Variants in CKAP5 observed in about 807,000 individuals in gnomAD.
CKAP5 encodes the protein cytoskeleton-associated protein 5.
In CKAP5, 27 loss-of-function variants were observed where a neutral mutation model predicts 232.8. The observed-to-expected ratio is 0.12, with a 90% CI of 0.09 to 0.16. CKAP5 has a LOEUF of 0.16. Ranked by LOEUF, CKAP5 falls within the 10% of genes least tolerant of loss-of-function variation. CKAP5 has a pLI of 1.00. For synonymous variants in CKAP5, 785 were observed against 841.1 expected (o/e 0.93, Z 1.16); for missense variants, 1,838 against 2,424.7 (o/e 0.76, Z 5.08).
rs779324714 is a variant in CKAP5, at chr11:46,750,402, T to G, written c.5576A>C (p.Lys1859Thr). The G allele has an allele frequency of 5.0e-6, 8 of 1,614,058 alleles. No individual in the cohort carries two copies. The highest frequency in any genetic ancestry group is 6.8e-6 in the Non-Finnish European group (8 of 1,180,012). The change falls in exon 42 of 44, where the codon AAA (lysine) becomes ACA (threonine). Residue 1859 changes from lysine to threonine, a missense_variant. Lys to Thr is a moderately conservative substitution (Grantham distance 78). Transcript: ENST00000529230. ...TGGTTCAATGTCAGCATCTGAGTATTTCTTCTTATATTCATATAACTCTGC... is the reference window on the plus strand; with the variant it reads ...TGGTTCAATGTCAGCATCTGAGTATGTCTTCTTATATTCATATAACTCTGC... ...GLAELYEYKK[K>T]YSDADIEPFL...
chr11:46,832,956 C>T (rs1331325637), intron 1 of CKAP5, among the ~76,000 whole-genome samples: 1 of 142,880 alleles, frequency 7.0e-6, no homozygotes, highest in African/African-American at 2.6e-5. Flanking sequence ...GAGTTTATCT[C>T]AAAAAAAAAA....
At chr11:46,753,720 G>A (rs906128674) in intron 36 of CKAP5, among the ~76,000 whole-genome samples, 1 of 151,884 alleles carries the variant, frequency 6.6e-6, no homozygotes, top group East Asian at 1.9e-4. Context: ...CCGAGTAGCT[G>A]GGACTACAGG....
chr11:46,776,629 G>A (rs961313603), intron 23 of CKAP5, among the ~76,000 whole-genome samples: 2 of 152,144 alleles, frequency 1.3e-5, no homozygotes, highest in African/African-American at 4.8e-5. Flanking sequence ...AACAGTGAGT[G>A]ATCTGGGCAT....
At chr11:46,761,306 A>T (rs1188325030) in intron 32 of CKAP5, among the ~76,000 whole-genome samples, 1 of 152,072 alleles carries the variant, frequency 6.6e-6, no homozygotes, top group African/African-American at 2.4e-5. Context: ...AACTACAAAT[A>T]AAAAGGTCAA....
chr11:46,744,524 A>G lies in CKAP5; in HGVS notation c.5758T>C (p.Ser1920Pro). ...TCCCCATTTGTGTTACCTATGGAGG[A>G]CACTGTGCTTGTGGGCGTGGGCACA... ...TCVPTPTSTV[S>P]SIGNTNGEEV... The change falls in exon 43 of 44, where the codon TCC (serine) becomes CCC (proline). Residue 1920 changes from serine (S) to proline (P), a missense_variant. Transcript: ENST00000529230. 1 of 1,614,084 alleles carries G rather than the reference A, an allele frequency of 6.2e-7. No homozygotes were observed. The highest frequency in any genetic ancestry group is 8.5e-7 in the Non-Finnish European group (1 of 1,180,006).
intron 42 of CKAP5, among the ~76,000 whole-genome samples, chr11:46,748,771 CA>C (rs2065040847): frequency 6.6e-6 from 1 of 151,790 alleles, no homozygotes; most frequent in African/African-American, 2.4e-5. Context: ...TGTCTCAAAA[CA>C]AAACAAAACA....
At chr11:46,822,874 C>T (rs745795031) in intron 1 of CKAP5, among the ~76,000 whole-genome samples, 35 of 152,218 alleles carry the variant, frequency 2.3e-4, no homozygotes, top group Non-Finnish European at 8.8e-5. Context: ...AATTAAATCC[C>T]TGAATGAACC....
At chr11:46,752,368 G>A (rs2065076191) in intron 38 of CKAP5, among the ~76,000 whole-genome samples, 2 of 150,892 alleles carry the variant, frequency 1.3e-5, no homozygotes, top group Non-Finnish European at 2.9e-5. Flanking sequence ...CAAGGCTGGA[G>A]TGTAGTGGTA....
intron 12 of CKAP5, among the ~76,000 whole-genome samples, chr11:46,796,386 ATTTATCTCACAGAACTGT>A (rs1217339505): frequency 6.6e-6 from 1 of 152,192 alleles, no homozygotes; most frequent in Non-Finnish European, 1.5e-5. Flanking sequence ...TTAGAAATAA[ATTTATCTCACAGAACTGT>A]TTTCACCTTC....
chr11:46,809,485 T>A lies in CKAP5; in HGVS notation c.779A>T (p.Asp260Val). Residue 260 changes from aspartate (D) to valine (V), a missense_variant, in exon 7 of 44, where the codon GAT becomes GTT. Asp to Val is a radical substitution (Grantham distance 152). Transcript: ENST00000529230. ...GDAEGGGDDG[D>V]EVPQIDAYEL... ...ATAAGCATCTATTTGTGGCACCTCA[T>A]CACCATCATCACCACCTTTAAGGAG... The A allele has an allele frequency of 6.2e-7, 1 of 1,610,438 alleles. No homozygotes were observed. The highest frequency in any genetic ancestry group is 8.5e-7 in the Non-Finnish European group (1 of 1,177,272).
At chr11:46,794,720 T>C (rs538038827) in intron 13 of CKAP5, among the ~76,000 whole-genome samples, 8 of 151,096 alleles carry the variant, frequency 5.3e-5, no homozygotes, top group African/African-American at 7.3e-5. Flanking sequence ...CCTGTCATCC[T>C]AGCTACTTGG....
At chr11:46,771,584 A>G (rs1367502032) in intron 24 of CKAP5, among the ~76,000 whole-genome samples, 2 of 152,218 alleles carry the variant, frequency 1.3e-5, no homozygotes, top group Non-Finnish European at 2.9e-5. Context: ...GCTAAATAGT[A>G]TTCCATGTAT....
At chr11:46,830,498 T>G (rs890867269) in intron 1 of CKAP5, among the ~76,000 whole-genome samples, 4 of 148,730 alleles carry the variant, frequency 2.7e-5, no homozygotes, top group Admixed American at 2.7e-4. Flanking sequence ...GCCACAGGCC[T>G]AGGAGTGCCA....
At chr11:46,760,530 A>G (rs1206883707) in intron 33 of CKAP5, 82 bp downstream of exon 33, 1 of 1,369,638 alleles carries the variant, frequency 7.3e-7, no homozygotes, top group Non-Finnish European at 1.0e-6. Context: ...CAAGAACTCA[A>G]GATTATGTTA....
chr11:46,804,851 T>TTA (rs1030101642), intron 8 of CKAP5, among the ~76,000 whole-genome samples: 3 of 151,222 alleles, frequency 2.0e-5, no homozygotes, highest in South Asian at 2.1e-4. Context: ...GATAAATAAA[T>TTA]TATATATATA....
intron 16 of CKAP5, 64 bp downstream of exon 16, chr11:46,788,617 T>C (rs967712001): frequency 1.1e-5 from 10 of 946,594 alleles, no homozygotes; most frequent in Non-Finnish European, 1.5e-5. Flanking sequence ...GCTGTATTAC[T>C]CCATAGGATG....
At chr11:46,779,122 CA>C (rs2065316656) in intron 20 of CKAP5, among the ~76,000 whole-genome samples, 1 of 152,014 alleles carries the variant, frequency 6.6e-6, no homozygotes. Flanking sequence ...ACAAAACAAA[CA>C]AAACATAAAA....
chr11:46,811,454 T>A (rs886209696), intron 4 of CKAP5, among the ~76,000 whole-genome samples: 1 of 152,182 alleles, frequency 6.6e-6, no homozygotes, highest in South Asian at 2.1e-4. Context: ...TTAAAACCTA[T>A]AAAGGATCAA....
chr11:46,835,286 C>T (rs1213513370), intron 1 of CKAP5, among the ~76,000 whole-genome samples: 2 of 151,822 alleles, frequency 1.3e-5, no homozygotes, highest in African/African-American at 4.8e-5. Flanking sequence ...GCTGTTTTGG[C>T]TGAGAAGGCC....
Sources: gnomAD v4.1 joint callset for allele counts (sites outside exome capture counted in the v4.1 genomes callset) on GRCh38, gnomAD v4.1.1 for gene constraint, MANE v1.5 for transcripts, NCBI Gene and HGNC (gene_info 2026-07-23, HGNC 2026-07-21) for gene names.